The following PCNX4 variants were observed in gnomAD, a reference collection of about 807,000 sequenced individuals.
The protein encoded by PCNX4 is pecanex-like protein 4.
In PCNX4, 103 loss-of-function variants were observed where a neutral mutation model predicts 107.2. That is an observed-to-expected ratio of 0.96 (90% CI 0.82 to 1.13). The LOEUF is 1.13. PCNX4 is among the 50% of genes most tolerant of loss of function. The pLI, the probability that PCNX4 is intolerant of heterozygous loss-of-function variation, is 0.00. For synonymous variants in PCNX4, 541 were observed against 481.7 expected, an observed-to-expected ratio of 1.12 and a Z score of -1.61; for missense variants, 1,528 against 1,379.4, an observed-to-expected ratio of 1.11 and a Z score of -1.71.
chr14:60,134,147 AC>A lies in PCNX4; in HGVS notation c.3446del (p.Thr1149ArgfsTer43). 3.1e-6 allele frequency: 5 copies of A among 1,613,874 alleles called. No homozygotes were observed. Among genetic ancestry groups the A allele is most frequent in the East Asian group, 2.2e-5 (1 of 44,864 alleles). On this transcript the variant is annotated frameshift_variant, in exon 11 of 11. Transcript: ENST00000406854. LOFTEE classifies it high-confidence loss of function. Reference protein sequence around the residue: ...QAHPLLLRNLTVQAAEPPLGY... With the variant: ...QAHPLLLRNLXVQAAEPPLGY... ...TCATCCACTACTTTTAAGAAATCTT[AC>A]GGTACAAGCAGCAGAACCTCCCCTG...
At chr14:60,108,811 G>A (rs1895681500) in intron 2 of PCNX4, 1 of 152,936 alleles carries the variant, frequency 6.5e-6, no homozygotes, top group African/African-American at 2.5e-5. Flanking sequence ...AAGAAAAGTA[G>A]AAAATAGTTT....
chr14:60,121,786 C>T (rs1186335045), intron 8 of PCNX4, among the ~76,000 whole-genome samples: 1 of 152,118 alleles, frequency 6.6e-6, no homozygotes, highest in Non-Finnish European at 1.5e-5. Flanking sequence ...GACCCTACTA[C>T]TCCACCCAGC....
Position 60,146,884 on chromosome 14 carries a change from A to C in PCNX4, c.*12663A>C, listed in dbSNP as rs1168022137. 1 of 152,240 alleles carries C rather than the reference A, an allele frequency of 6.6e-6. No homozygotes were observed. The highest frequency in any genetic ancestry group is 1.5e-5 in the Non-Finnish European group (1 of 68,048). 9.4% of individuals were successfully genotyped at this position (152,240 alleles called of 1,614,324 possible). The stretch of plus-strand genomic sequence containing the variant: ...AAAGTCATACTCAAAAGCAGAGTAG[A>C]ATGATGGTTGCCAGGAGCCAGAAGA... On this transcript the variant is annotated 3_prime_UTR_variant, in exon 11 of 11. Coordinates refer to ENST00000406854, the MANE Select transcript of PCNX4 (RefSeq NM_001330177.2). The surrounding 1 kb of genome is among the most constrained non-coding windows in gnomAD (Gnocchi z 4.9).
chr14:60,124,140 T>C (rs1896003197), intron 8 of PCNX4, 78 bp from the exon 9 acceptor site: 1 of 1,152,146 alleles, frequency 8.7e-7, no homozygotes, highest in African/African-American at 1.6e-5. Flanking sequence ...TGAGAATCTA[T>C]GGGCATTTAC....
rs755138812 is a variant in PCNX4 at position 60,145,237 on chromosome 14, G to A, written c.*11016G>A. Reference sequence around the variant, plus strand: ...AGTTTAGCATCATCTCTGGTTTAGAGGAGGTATAAATAGCATTGGACTGCA... The same window carrying A: ...AGTTTAGCATCATCTCTGGTTTAGAAGAGGTATAAATAGCATTGGACTGCA... On this transcript the variant is annotated 3_prime_UTR_variant, in exon 11 of 11. Transcript: ENST00000406854. The surrounding 1 kb of genome is among the most constrained non-coding windows in gnomAD (Gnocchi z 4.0). 11 of 382,746 alleles carry A rather than the reference G, an allele frequency of 2.9e-5. No individual in the cohort carries two copies. Among genetic ancestry groups the A allele is most frequent in the East Asian group, 4.2e-5 (1 of 23,576 alleles). 23.7% of individuals were successfully genotyped at this position (382,746 alleles called of 1,614,324 possible).
chr14:60,123,813 GT>G (rs950324171), intron 8 of PCNX4, among the ~76,000 whole-genome samples: 3 of 152,104 alleles, frequency 2.0e-5, no homozygotes, highest in African/African-American at 7.2e-5. Context: ...GTCTCATAAA[GT>G]GGGATGGAAA....
Position 60,125,060 on chromosome 14 carries a change from G to A in PCNX4, c.2889G>A (p.Lys963=), listed in dbSNP as rs1490192715. ...CAAATGTACTGGAAGAAATTGCCAAGGACAAAGTTTTAAAAGACTTTTATG... is the reference window on the plus strand; with the variant it reads ...CAAATGTACTGGAAGAAATTGCCAAAGACAAAGTTTTAAAAGACTTTTATG... The part of the protein sequence containing the change: ...KASNVLEEIA[K]DKVLKDFYVH... The change falls in exon 9 of 11, where the codon AAG becomes AAA. Residue 963 remains lysine (K), a synonymous_variant. Coordinates refer to ENST00000406854, the MANE Select transcript of PCNX4 (RefSeq NM_001330177.2). 2 of 1,613,552 alleles carry A rather than the reference G, an allele frequency of 1.2e-6. No individual in the cohort carries two copies. The highest frequency in any genetic ancestry group is 1.1e-5 in the South Asian group (1 of 91,048).
At chr14:60,116,366 G>A (rs948542304) in intron 6 of PCNX4, among the ~76,000 whole-genome samples, 1 of 152,144 alleles carries the variant, frequency 6.6e-6, no homozygotes, top group Non-Finnish European at 1.5e-5. Context: ...TCACTTTTAT[G>A]TTTTCAAGGT....
chr14:60,096,656 A>G (rs543509660), intron 1 of PCNX4, among the ~76,000 whole-genome samples: 2 of 152,284 alleles, frequency 1.3e-5, no homozygotes, highest in South Asian at 2.1e-4. Context: ...TTGGCACCCA[A>G]TGGGTGGCAA....
chr14:60,122,500 T>C (rs1418373343), intron 8 of PCNX4, among the ~76,000 whole-genome samples: 1 of 152,060 alleles, frequency 6.6e-6, no homozygotes, highest in East Asian at 1.9e-4. Context: ...AGGTCTTTGC[T>C]CAAATGTCAC....
At chr14:60,123,263 T>G (rs1032780060) in intron 8 of PCNX4, among the ~76,000 whole-genome samples, 3 of 152,182 alleles carry the variant, frequency 2.0e-5, no homozygotes, top group Non-Finnish European at 4.4e-5. Context: ...CTGTCTGTCT[T>G]TTTTTGACAC....
chr14:60,126,345 C>G (rs970297699), intron 10 of PCNX4, among the ~76,000 whole-genome samples: 3 of 152,122 alleles, frequency 2.0e-5, no homozygotes, highest in Non-Finnish European at 4.4e-5. Context: ...ATGAAAGATT[C>G]AATGTTATGA....
intron 6 of PCNX4, among the ~76,000 whole-genome samples, chr14:60,117,092 T>G (rs900281126): frequency 1.3e-5 from 2 of 152,146 alleles, no homozygotes; most frequent in Non-Finnish European, 2.9e-5. Context: ...TGAAGTTAAT[T>G]TATTACTGAA....
intron 6 of PCNX4, among the ~76,000 whole-genome samples, chr14:60,116,553 G>A (rs1438130043): frequency 6.6e-6 from 1 of 152,172 alleles, no homozygotes; most frequent in South Asian, 2.1e-4. Context: ...TTGTGGTGAT[G>A]TTGGTGTAAA....
At position 60,092,681 on chromosome 14, in the gene PCNX4, C is replaced by G. The variant is rs1321205239; in HGVS notation, c.-54+262C>G. 9.2e-5 allele frequency among the ~76,000 whole-genome samples: 14 copies of G among 152,268 alleles called. No individual in the cohort carries two copies. The East Asian group carries it at 2.5e-3, about 27-fold the overall frequency. ...GCATTTTGTTTCTAAGAGACTCGTA[C>G]GAAATGGAATATGGCACACCCACCC... On this transcript the variant is annotated intron_variant, in intron 1 of 10. Coordinates refer to ENST00000406854, the MANE Select transcript of PCNX4 (RefSeq NM_001330177.2).
intron 7 of PCNX4, among the ~76,000 whole-genome samples, chr14:60,119,597 T>C (rs889638413): frequency 2.1e-5 from 3 of 145,494 alleles, no homozygotes; most frequent in South Asian, 4.5e-4. Flanking sequence ...ATTTGTCTTA[T>C]AGAAAATAGT....
intron 8 of PCNX4, among the ~76,000 whole-genome samples, chr14:60,122,711 A>G (rs1895978566): frequency 6.6e-6 from 1 of 152,158 alleles, no homozygotes; most frequent in Admixed American, 6.6e-5. Flanking sequence ...TATCATAAGC[A>G]CAGGGATCTC....
intron 1 of PCNX4, among the ~76,000 whole-genome samples, chr14:60,096,082 A>G (rs1343745450): frequency 2.6e-5 from 4 of 152,210 alleles, no homozygotes; most frequent in African/African-American, 9.6e-5. Context: ...TCTGTCACCA[A>G]GTTTCCCAGG....
At position 60,118,837 on chromosome 14, in the gene PCNX4, A is replaced by G. The variant is rs1895902499; in HGVS notation, c.1942+145A>G. ...TGATGTGTAGGCAGAAAGACTAAAT[A>G]TGAAATTAGAAGTTTATCTCCTGCT... On this transcript the variant is annotated intron_variant, in intron 7 of 10. Transcript: ENST00000406854. 4 of 907,036 alleles carry G rather than the reference A, an allele frequency of 4.4e-6. No individual in the cohort carries two copies. The East Asian group carries it at 9.4e-5, about 21-fold the overall frequency. The allele number at this position is 907,036 out of a possible 1,614,324, so 56.2% of individuals were successfully genotyped here.
Sources: gnomAD v4.1 joint callset for allele counts (sites outside exome capture counted in the v4.1 genomes callset) on GRCh38, gnomAD v4.1.1 for gene constraint, Gnocchi (gnomAD v3.1) non-coding constraint, MANE v1.5 for transcripts, NCBI Gene and HGNC (gene_info 2026-07-23, HGNC 2026-07-21) for gene names.